The following UNC13C variants were observed in gnomAD, a reference collection of about 807,000 sequenced individuals.
The protein encoded by UNC13C is unc-13 homolog C.
Under a neutral mutation model 245.4 loss-of-function variants are expected in UNC13C, and 174 were observed. That is an observed-to-expected ratio of 0.71 (90% CI 0.63 to 0.80). The LOEUF is 0.80. Ranked by LOEUF, UNC13C falls within the 30% of genes least tolerant of loss-of-function variation. The pLI, the probability that UNC13C is intolerant of heterozygous loss-of-function variation, is 0.00. For synonymous variants in UNC13C, 992 were observed against 895.1 expected (o/e 1.11, Z -1.93); for missense variants, 2,829 against 2,602.9 (o/e 1.09, Z -1.89).
chr15:54,348,102 G>A (rs1479421984), intron 17 of UNC13C, among the ~76,000 whole-genome samples: 1 of 152,144 alleles, frequency 6.6e-6, no homozygotes, highest in Non-Finnish European at 1.5e-5. Context: ...GCTGATTCAT[G>A]TATGTACAGT....
At chr15:54,122,348 T>C (rs1037591859) in intron 2 of UNC13C, among the ~76,000 whole-genome samples, 5 of 152,052 alleles carry the variant, frequency 3.3e-5, no homozygotes, top group East Asian at 1.9e-4. Context: ...TAGTTAGTTT[T>C]TGGTAGTTGT....
chr15:54,316,409 G>A (rs993527309), intron 13 of UNC13C, among the ~76,000 whole-genome samples: 4 of 151,716 alleles, frequency 2.6e-5, no homozygotes, highest in Non-Finnish European at 4.4e-5. Flanking sequence ...TCTATGCCAC[G>A]CTTGGCTATC....
intron 30 of UNC13C, among the ~76,000 whole-genome samples, chr15:54,571,330 C>T (rs137895922): frequency 0.012 from 1,756 of 152,202 alleles, 33 homozygotes; most frequent in African/African-American, 0.04. Context: ...GGGGAACTGC[C>T]GTTTATAAAA....
At chr15:54,016,426 T>A (rs931237794) in intron 2 of UNC13C, among the ~76,000 whole-genome samples, 1 of 152,196 alleles carries the variant, frequency 6.6e-6, no homozygotes, top group Non-Finnish European at 1.5e-5. Context: ...TGGAAGACCA[T>A]GGACTCCCTT....
At chr15:54,513,575 A>G (rs933962076) in intron 24 of UNC13C, among the ~76,000 whole-genome samples, 2 of 152,166 alleles carry the variant, frequency 1.3e-5, no homozygotes, top group African/African-American at 4.8e-5. Context: ...GTTTCACGCT[A>G]TTCATTTTAT....
chr15:54,092,873 A>G (rs769464652), intron 2 of UNC13C, among the ~76,000 whole-genome samples: 2 of 152,116 alleles, frequency 1.3e-5, no homozygotes, highest in Non-Finnish European at 1.5e-5. Context: ...TTAAACTTTC[A>G]TTTATTGTAT....
intron 29 of UNC13C, among the ~76,000 whole-genome samples, chr15:54,562,021 A>G (rs1897314396): frequency 6.6e-6 from 1 of 151,984 alleles, no homozygotes; most frequent in East Asian, 1.9e-4. Flanking sequence ...ACCAAGAAAA[A>G]TGGGAGACAG....
chr15:54,092,750 T>C (rs1445168330), intron 2 of UNC13C, among the ~76,000 whole-genome samples: 1 of 152,166 alleles, frequency 6.6e-6, no homozygotes, highest in Non-Finnish European at 1.5e-5. Flanking sequence ...AATGGAGATA[T>C]ATGTGAGTTG....
intron 18 of UNC13C, among the ~76,000 whole-genome samples, chr15:54,413,943 T>G (rs1039823155): frequency 5.3e-5 from 8 of 152,250 alleles, no homozygotes; most frequent in Non-Finnish European, 1.5e-5. Flanking sequence ...CATTCTGGCA[T>G]GGAGTGAGTG....
At chr15:54,584,364 G>C (rs2141244529) in intron 30 of UNC13C, among the ~76,000 whole-genome samples, 1 of 152,214 alleles carries the variant, frequency 6.6e-6, no homozygotes, top group East Asian at 1.9e-4. Flanking sequence ...TTTTCCAACT[G>C]AAGTCATTTT....
At chr15:54,508,190 T>C (rs1003062233) in intron 23 of UNC13C, among the ~76,000 whole-genome samples, 1 of 151,944 alleles carries the variant, frequency 6.6e-6, no homozygotes, top group African/African-American at 2.4e-5. Context: ...ATTGAAAGTA[T>C]ATTATTTCTG....
At chr15:54,544,217 A>G (rs28857471) in intron 26 of UNC13C, among the ~76,000 whole-genome samples, 2,139 of 152,352 alleles carry the variant, frequency 0.014, 54 homozygotes, top group African/African-American at 0.045. Flanking sequence ...CAATGGATGC[A>G]GAAAAGGCCT....
intron 19 of UNC13C, among the ~76,000 whole-genome samples, chr15:54,424,472 G>C (rs1286540331): frequency 1.3e-5 from 2 of 151,826 alleles, no homozygotes; most frequent in Admixed American, 6.6e-5. Flanking sequence ...GGTTCTGTTG[G>C]GTTGACTGTC....
chr15:54,542,195 TAA>T (rs1896276815), intron 26 of UNC13C, among the ~76,000 whole-genome samples: 1 of 152,194 alleles, frequency 6.6e-6, no homozygotes, highest in African/African-American at 2.4e-5. Context: ...TTGTGTGCTT[TAA>T]AAGTTATTTT....
intron 2 of UNC13C, among the ~76,000 whole-genome samples, chr15:54,083,988 A>G (rs1343232667): frequency 2.0e-5 from 3 of 152,162 alleles, no homozygotes; most frequent in East Asian, 3.9e-4. Flanking sequence ...ATCGCCACGG[A>G]CAGTGTTGTC....
At chr15:54,284,320 A>G (rs1056511046) in intron 10 of UNC13C, among the ~76,000 whole-genome samples, 2 of 152,202 alleles carry the variant, frequency 1.3e-5, no homozygotes, top group African/African-American at 4.8e-5. Flanking sequence ...ATATCTAATG[A>G]GGAATTAAAA....
At chr15:54,257,669 A>G (rs2036313529) in intron 8 of UNC13C, among the ~76,000 whole-genome samples, 1 of 152,164 alleles carries the variant, frequency 6.6e-6, no homozygotes, top group African/African-American at 2.4e-5. Flanking sequence ...CAGGAATGGG[A>G]GATGACGCTA....
At position 54,546,757 on chromosome 15, in the gene UNC13C, T is replaced by C; in HGVS notation, c.5732T>C (p.Val1911Ala). 1 of 1,545,246 alleles carries C rather than the reference T, an allele frequency of 6.5e-7. No homozygotes were observed. Among genetic ancestry groups the C allele is most frequent in the Non-Finnish European group, 8.7e-7 (1 of 1,143,290 alleles). Residue 1911 changes from valine to alanine, a missense_variant, in exon 27 of 33, where the codon GTC (valine) becomes GCC (alanine). Coordinates refer to ENST00000260323, the MANE Select transcript of UNC13C (RefSeq NM_001080534.3). ...SLSAKICEKT[V>A]LKRVLKELWK... ...TCAGCAAAAATCTGTGAGAAAACAGTCCTAAAGCGAGTTTTAAAAGAGTTA... is the reference window on the plus strand; with the variant it reads ...TCAGCAAAAATCTGTGAGAAAACAGCCCTAAAGCGAGTTTTAAAAGAGTTA...
rs577247407 is a variant in UNC13C, at chr15:54,330,389, A to G, written c.4426-1654A>G. Among the ~76,000 whole-genome samples the G allele has an allele frequency of 9.0e-4, 137 of 152,058 alleles. 1 individual carries two copies. The highest frequency in any genetic ancestry group is 1.7e-3 in the Non-Finnish European group (115 of 67,994). ...GAGGTCGAGAGGGTGAGCATTTCATATGGGCACATTTGACATATGATATTC... is the reference window on the plus strand; with the variant it reads ...GAGGTCGAGAGGGTGAGCATTTCATGTGGGCACATTTGACATATGATATTC... On this transcript the variant is annotated intron_variant, in intron 14 of 32. Coordinates refer to ENST00000260323, the MANE Select transcript of UNC13C (RefSeq NM_001080534.3).
Sources: allele counts gnomAD v4.1 joint callset (sites outside exome capture counted in the v4.1 genomes callset), GRCh38; gene constraint gnomAD v4.1.1; transcripts MANE v1.5; gene names NCBI Gene and HGNC (gene_info 2026-07-23, HGNC 2026-07-21).